Variants in GALNT13 observed in about 807,000 individuals in gnomAD.
GALNT13 encodes polypeptide N-acetylgalactosaminyltransferase 13.
Under a neutral mutation model 64.2 loss-of-function variants are expected in GALNT13, and 28 were observed. The ratio of observed to expected loss-of-function variants is 0.44; its 90% confidence interval spans 0.32 to 0.60. The LOEUF is 0.60. Among genes scored for constraint, GALNT13 ranks in the 20% least tolerant of loss-of-function variants. The pLI is 0.05. For missense variants in GALNT13, 577 were observed against 669.8 expected (o/e 0.86, Z 1.53); for synonymous variants, 214 against 224.6 (o/e 0.95, Z 0.42).
chr2:153,843,029 A>G, the GALNT13 span, among the ~76,000 whole-genome samples: 1 of 151,402 alleles, frequency 6.6e-6, no homozygotes, highest in African/African-American at 2.4e-5. Flanking sequence ...TGGAAAATAT[A>G]TTATAGAAAA....
the GALNT13 span, among the ~76,000 whole-genome samples, chr2:153,417,139 G>A: frequency 6.6e-6 from 1 of 152,154 alleles, no homozygotes; most frequent in Non-Finnish European, 1.5e-5. Context: ...AGCATGGTAG[G>A]AGAAGAAAAG....
chr2:153,459,357 C>A, the GALNT13 span, among the ~76,000 whole-genome samples: 5 of 152,088 alleles, frequency 3.3e-5, no homozygotes, highest in Non-Finnish European at 7.4e-5. Flanking sequence ...TAGTGTGTGT[C>A]TGTAGTCCCA....
chr2:153,142,299 C>G, the GALNT13 span, among the ~76,000 whole-genome samples: 1 of 151,952 alleles, frequency 6.6e-6, no homozygotes, highest in South Asian at 2.1e-4. Flanking sequence ...TTGGGAAAGC[C>G]GCAGGGAGTT....
intron 3 of GALNT13, among the ~76,000 whole-genome samples, chr2:153,988,853 A>G (rs1021765712): frequency 7.2e-5 from 11 of 151,982 alleles, no homozygotes; most frequent in Non-Finnish European, 1.3e-4. Context: ...TGCATAACTC[A>G]GGAAATAAAT....
chr2:154,258,191 G>C (rs1360657252), intron 7 of GALNT13, among the ~76,000 whole-genome samples: 1 of 152,078 alleles, frequency 6.6e-6, no homozygotes, highest in African/African-American at 2.4e-5. Flanking sequence ...GGAAAGACTT[G>C]TGTAGCTCAC....
chr2:153,944,462 T>A lies in GALNT13; in HGVS notation c.-36T>A, dbSNP rs368853298. 1.7e-5 allele frequency: 28 copies of A among 1,602,104 alleles called. No homozygotes were observed. In the African/African-American group the frequency reaches 2.5e-4, roughly 15 times the overall value. On this transcript the variant is annotated 5_prime_UTR_variant, in exon 3 of 13. Coordinates refer to ENST00000392825, the MANE Select transcript of GALNT13 (RefSeq NM_052917.4). ...TGGATTTATCACAGTAGCATTTGTC[T>A]TCAATCTGTGTGTTAACTAGAAATC... is the stretch of plus-strand genomic sequence containing the variant.
the GALNT13 span, among the ~76,000 whole-genome samples, chr2:153,525,897 C>T: frequency 6.6e-6 from 1 of 152,188 alleles, no homozygotes; most frequent in Non-Finnish European, 1.5e-5. Flanking sequence ...CTTAAAGAAA[C>T]ATTGTTGGTA....
chr2:154,109,950 T>G (rs1033304988), intron 3 of GALNT13, among the ~76,000 whole-genome samples: 1 of 152,084 alleles, frequency 6.6e-6, no homozygotes, highest in African/African-American at 2.4e-5. Flanking sequence ...TGTTTTGTCC[T>G]TGTTCTGGCT....
the GALNT13 span, among the ~76,000 whole-genome samples, chr2:153,832,757 G>A: frequency 6.6e-6 from 1 of 152,124 alleles, no homozygotes; most frequent in Non-Finnish European, 1.5e-5. Flanking sequence ...CTTTAGAAAA[G>A]GGATAGACAA....
chr2:154,334,772 C>T (rs1017239063), intron 9 of GALNT13, among the ~76,000 whole-genome samples: 1 of 152,030 alleles, frequency 6.6e-6, no homozygotes, highest in Non-Finnish European at 1.5e-5. Flanking sequence ...CTCCAATCTT[C>T]TCTCCACTCC....
chr2:153,225,383 C>T, the GALNT13 span, among the ~76,000 whole-genome samples: 2 of 152,110 alleles, frequency 1.3e-5, no homozygotes, highest in African/African-American at 4.8e-5. Context: ...CAGATAATAT[C>T]GCATTTAATG....
intron 1 of GALNT13, among the ~76,000 whole-genome samples, chr2:153,872,929 C>T (rs1040074096): frequency 6.6e-6 from 1 of 152,190 alleles, no homozygotes; most frequent in Non-Finnish European, 1.5e-5. Flanking sequence ...TCCACACTCT[C>T]CGGCCATGTA....
the GALNT13 span, among the ~76,000 whole-genome samples, chr2:153,828,942 T>A: frequency 1.3e-5 from 2 of 152,108 alleles, no homozygotes; most frequent in Non-Finnish European, 2.9e-5. Context: ...ATTCCACAAA[T>A]CTCTCAGGCA....
the GALNT13 span, among the ~76,000 whole-genome samples, chr2:153,128,807 G>A: frequency 6.6e-6 from 1 of 151,786 alleles, no homozygotes; most frequent in Non-Finnish European, 1.5e-5. Context: ...TGGAAGGTAA[G>A]GAGGAACTCT....
At chr2:153,226,317 G>A in the GALNT13 span, among the ~76,000 whole-genome samples, 2 of 152,064 alleles carry the variant, frequency 1.3e-5, no homozygotes, top group Non-Finnish European at 2.9e-5. Flanking sequence ...ATAGAATATT[G>A]AATAATAACA....
chr2:154,353,575 C>G (rs867552422), intron 9 of GALNT13, among the ~76,000 whole-genome samples: 3 of 152,114 alleles, frequency 2.0e-5, no homozygotes, highest in South Asian at 2.1e-4. Context: ...CCCATTTTCT[C>G]TCCTCCACCC....
the GALNT13 span, among the ~76,000 whole-genome samples, chr2:153,462,648 C>T: frequency 6.6e-6 from 1 of 152,086 alleles, no homozygotes; most frequent in Non-Finnish European, 1.5e-5. Flanking sequence ...ACTCACCTTC[C>T]CTGTTGTTTA....
chr2:153,774,236 T>C, the GALNT13 span, among the ~76,000 whole-genome samples: 2 of 152,108 alleles, frequency 1.3e-5, no homozygotes, highest in Non-Finnish European at 2.9e-5. Context: ...ATAAATATTA[T>C]CTTGAAAAAC....
At chr2:153,750,470 G>T in the GALNT13 span, among the ~76,000 whole-genome samples, 288 of 151,880 alleles carry the variant, frequency 1.9e-3, no homozygotes, top group African/African-American at 6.7e-3. Context: ...TGTTTACTGG[G>T]AGAATTTTTA....
Sources: gnomAD v4.1 joint callset for allele counts (sites outside exome capture counted in the v4.1 genomes callset) on GRCh38, gnomAD v4.1.1 for gene constraint, MANE v1.5 for transcripts, NCBI Gene and HGNC (gene_info 2026-07-23, HGNC 2026-07-21) for gene names.